The following KANK3 variants were observed in gnomAD, a reference collection of about 807,000 sequenced individuals.
KANK3 encodes the protein KN motif and ankyrin repeat domains 3.
Under a neutral mutation model 65.4 loss-of-function variants are expected in KANK3, and 61 were observed. The ratio of observed to expected loss-of-function variants is 0.93; its 90% CI spans 0.76 to 1.15. The LOEUF is 1.15. KANK3 is among the 50% of genes most tolerant of loss of function. The probability of loss-of-function intolerance (pLI) is 0.00; values close to 1 mark genes in which losing one functional copy is unlikely to be tolerated. For missense variants in KANK3, 1,187 were observed against 1,178.8 expected, an observed-to-expected ratio of 1.01 and a Z score of -0.10; for synonymous variants, 586 against 543.3, an observed-to-expected ratio of 1.08 and a Z score of -1.09.
At position 8,335,026 on chromosome 19, in the gene KANK3, G is replaced by C. The variant is rs1001989609; in HGVS notation, c.801C>G (p.Pro267=). 7.0e-7 allele frequency: 1 copy of C among 1,427,680 alleles called. No individual in the cohort carries two copies. The highest frequency in any genetic ancestry group is 9.1e-7 in the Non-Finnish European group (1 of 1,099,940). The allele number at this position is 1,427,680 out of a possible 1,614,324, so 88.4% of individuals were successfully genotyped here. The change falls in exon 3 of 11, where the codon CCC becomes CCG. Residue 267 remains proline (P), a synonymous_variant. Transcript: ENST00000330915. The part of the protein sequence containing the change: ...SERGGRARAS[P]RADSPDGLAA... ...CCAGGCCGTCTGGGCTGTCAGCCCG[G>C]GGGCTGGCCCTGGCACGGCCGCCGC... is the stretch of plus-strand genomic sequence containing the variant.
At chr19:8,331,216 G>C (rs1723441746) in intron 7 of KANK3, among the ~76,000 whole-genome samples, 1 of 119,274 alleles carries the variant, frequency 8.4e-6, no homozygotes, top group African/African-American at 3.9e-5. Context: ...AACAAAAAAG[G>C]GGTGGGGGGG....
chr19:8,328,957 CAGG>C (rs904128933), intron 7 of KANK3, among the ~76,000 whole-genome samples: 12 of 151,554 alleles, frequency 7.9e-5, no homozygotes, highest in African/African-American at 2.9e-4. Context: ...ATCACGAGGT[CAGG>C]AGATCGAGAC....
At chr19:8,330,336 TATA>T (rs1307413201) in intron 7 of KANK3, among the ~76,000 whole-genome samples, 1 of 152,152 alleles carries the variant, frequency 6.6e-6, no homozygotes, top group Non-Finnish European at 1.5e-5. Context: ...GGCTCACGCC[TATA>T]ATACCAGCAC....
chr19:8,342,305 C>T (rs1287943193), intron 1 of KANK3, among the ~76,000 whole-genome samples: 1 of 152,142 alleles, frequency 6.6e-6, no homozygotes, highest in Non-Finnish European at 1.5e-5. Flanking sequence ...GGGGCTTGTC[C>T]CTCCCAGCCT....
intron 2 of KANK3, among the ~76,000 whole-genome samples, chr19:8,336,050 C>T (rs1173210248): frequency 6.6e-6 from 1 of 151,740 alleles, no homozygotes; most frequent in Non-Finnish European, 1.5e-5. Flanking sequence ...ACGATGCCTA[C>T]GGCAATGGTA....
At position 8,333,761 on chromosome 19, in the gene KANK3, C is replaced by T. The variant is rs1381314205; in HGVS notation, c.1682G>A (p.Arg561Gln). ...RLREACVALQ[R>Q]QLSRPRGVAS... Reference sequence around the variant, plus strand: ...TACTCCGCGGGGCCGGCTCAGCTGCCGCTGCAGCGCTACGCACGCCTCCCT... The same window carrying T: ...TACTCCGCGGGGCCGGCTCAGCTGCTGCTGCAGCGCTACGCACGCCTCCCT... Residue 561 changes from arginine (R) to glutamine (Q), a missense_variant, in exon 6 of 11, where the codon CGG (arginine) becomes CAG (glutamine). Physicochemically the swap from Arg to Gln is conservative, Grantham distance 43 (BLOSUM62 1). Transcript: ENST00000330915. The surrounding 1 kb of genome is among the most constrained non-coding windows in gnomAD (Gnocchi z 5.0). 11 of 1,490,254 alleles carry T rather than the reference C, an allele frequency of 7.4e-6. No homozygotes were observed. Among genetic ancestry groups the T allele is most frequent in the Non-Finnish European group, 9.8e-6 (11 of 1,117,126 alleles). The allele number at this position is 1,490,254 out of a possible 1,614,324, so 92.3% of individuals were successfully genotyped here.
rs1388133505 is a variant in KANK3 at position 8,335,293 on chromosome 19, G to A, written c.534C>T (p.Pro178=). Residue 178 remains proline (P), a synonymous_variant, in exon 3 of 11, where the codon CCC becomes CCT. Transcript: ENST00000330915. ...SPAPNLAPAS[P]GPAQLQLVRE... ...GCACCAGCTGCAGTTGGGCAGGGCC[G>A]GGCGAAGCAGGGGCAAGGTTAGGGG... The A allele has an allele frequency of 2.5e-6, 3 of 1,207,820 alleles. No homozygotes were observed. Among genetic ancestry groups the A allele is most frequent in the Non-Finnish European group, 3.1e-6 (3 of 972,746 alleles). The allele number at this position is 1,207,820 out of a possible 1,614,324, so 74.8% of individuals were successfully genotyped here.
intron 1 of KANK3, among the ~76,000 whole-genome samples, chr19:8,341,019 G>A (rs954248259): frequency 2.0e-5 from 3 of 151,992 alleles, no homozygotes; most frequent in African/African-American, 4.8e-5. Context: ...GTCCTCCTCC[G>A]GTGACCTGGT....
chr19:8,327,513 C>T (rs1011482015), intron 7 of KANK3, among the ~76,000 whole-genome samples: 3 of 152,130 alleles, frequency 2.0e-5, no homozygotes, highest in Non-Finnish European at 4.4e-5. Flanking sequence ...CGCCTGTAGT[C>T]CCAGCTACTT....
intron 4 of KANK3, 32 bp from the exon 5 acceptor site, chr19:8,334,148 C>T (rs766415077): frequency 1.9e-5 from 28 of 1,492,914 alleles, no homozygotes; most frequent in Non-Finnish European, 2.1e-5. Flanking sequence ...TCTGCTAAAC[C>T]TCCCCTGTGG....
intron 1 of KANK3, among the ~76,000 whole-genome samples, chr19:8,341,347 C>T (rs1970721626): frequency 6.6e-6 from 1 of 151,476 alleles, no homozygotes; most frequent in Admixed American, 6.6e-5. Context: ...GCCTCAGCCT[C>T]ACAAATAGCT....
At chr19:8,342,820 T>G (rs1420750313) in intron 1 of KANK3, among the ~76,000 whole-genome samples, 1 of 152,082 alleles carries the variant, frequency 6.6e-6, no homozygotes, top group Non-Finnish European at 1.5e-5. Flanking sequence ...CCGCTACCCA[T>G]TGTCTGCGGG....
intron 10 of KANK3, among the ~76,000 whole-genome samples, chr19:8,323,909 T>G (rs1168328617): frequency 6.6e-6 from 1 of 152,156 alleles, no homozygotes; most frequent in Non-Finnish European, 1.5e-5. Flanking sequence ...CAGTCTCCAG[T>G]TCTGAAGCTC....
At chr19:8,334,178 G>A (rs1568575528) in intron 4 of KANK3, 62 bp from the exon 5 acceptor site, 1 of 1,493,234 alleles carries the variant, frequency 6.7e-7, no homozygotes, top group Non-Finnish European at 8.9e-7. Flanking sequence ...GGAGTCCTGC[G>A]ATGTGGGTGT....
At chr19:8,328,748 G>A (rs1452433590) in intron 7 of KANK3, among the ~76,000 whole-genome samples, 1 of 152,012 alleles carries the variant, frequency 6.6e-6, no homozygotes, top group Non-Finnish European at 1.5e-5. Flanking sequence ...ATTCTGTAAC[G>A]GGCACAACTA....
chr19:8,332,881 C>G, intron 7 of KANK3, 133 bp downstream of exon 7: 1 of 508,040 alleles, frequency 2.0e-6, no homozygotes, highest in Non-Finnish European at 3.5e-6. Flanking sequence ...AAAATAAACT[C>G]AAGGAGGAGT....
intron 7 of KANK3, among the ~76,000 whole-genome samples, chr19:8,326,147 G>A (rs1259814671): frequency 6.6e-6 from 1 of 151,946 alleles, no homozygotes; most frequent in Non-Finnish European, 1.5e-5. Context: ...AAATGAATTT[G>A]GTTGCCAGGA....
At chr19:8,327,698 G>A (rs1386400339) in intron 7 of KANK3, among the ~76,000 whole-genome samples, 1 of 152,188 alleles carries the variant, frequency 6.6e-6, no homozygotes, top group East Asian at 1.9e-4. Flanking sequence ...GGAGGCTGAG[G>A]TGGAAGGATC....
chr19:8,340,752 C>A (rs1230939519), intron 1 of KANK3, among the ~76,000 whole-genome samples: 1 of 152,204 alleles, frequency 6.6e-6, no homozygotes, highest in African/African-American at 2.4e-5. Context: ...AGGTCCCTGA[C>A]CTCTCCCTTC....
Sources: gnomAD v4.1 joint callset for allele counts (sites outside exome capture counted in the v4.1 genomes callset) on GRCh38, gnomAD v4.1.1 for gene constraint, Gnocchi (gnomAD v3.1) non-coding constraint, MANE v1.5 for transcripts, NCBI Gene and HGNC (gene_info 2026-07-23, HGNC 2026-07-21) for gene names.